The following ARHGAP24 variants were observed in gnomAD, a reference collection of about 807,000 sequenced individuals.
The protein encoded by ARHGAP24 is rho GTPase-activating protein 24.
In ARHGAP24, 50 loss-of-function variants were observed where a neutral mutation model predicts 76.4. The observed-to-expected ratio is 0.65, with a 90% confidence interval of 0.52 to 0.83. The LOEUF (loss-of-function observed/expected upper bound fraction) is 0.83, where lower values mean the gene tolerates loss of function less well. Ranked by LOEUF, ARHGAP24 falls within the 40% of genes least tolerant of loss-of-function variation. ARHGAP24 has a pLI of 0.00. For synonymous variants in ARHGAP24, 345 were observed against 323.3 expected, an observed-to-expected ratio of 1.07 and a Z score of -0.72; for missense variants, 930 against 914.2, an observed-to-expected ratio of 1.02 and a Z score of -0.22.
At chr4:85,765,340 T>C (rs922813868) in intron 3 of ARHGAP24, among the ~76,000 whole-genome samples, 4 of 152,108 alleles carry the variant, frequency 2.6e-5, no homozygotes, top group Admixed American at 6.5e-5. Context: ...TTGTTTTAAC[T>C]GATTCATACA....
At chr4:85,890,230 A>G (rs1390648226) in intron 3 of ARHGAP24, among the ~76,000 whole-genome samples, 1 of 152,156 alleles carries the variant, frequency 6.6e-6, no homozygotes, top group Non-Finnish European at 1.5e-5. Context: ...CTATTTTATT[A>G]CTAATACTTT....
At position 85,703,117 on chromosome 4, in the gene ARHGAP24, T is replaced by C. The variant is rs78765929; in HGVS notation, c.181-18768T>C. Reference sequence around the variant, plus strand: ...GGGTCATTGTTGATAAAAATGAGGCTATGAAAGAAGTAGATTTTATCCTTT... The same window carrying C: ...GGGTCATTGTTGATAAAAATGAGGCCATGAAAGAAGTAGATTTTATCCTTT... On this transcript the variant is annotated intron_variant, in intron 2 of 9. Transcript: ENST00000395184. Among the ~76,000 whole-genome samples the C allele has an allele frequency of 3.9e-5, 6 of 152,298 alleles. No homozygotes were observed. In the East Asian group the frequency reaches 1.2e-3, roughly 29 times the overall value.
intron 5 of ARHGAP24, among the ~76,000 whole-genome samples, chr4:85,957,116 G>C (rs1737965219): frequency 6.6e-6 from 1 of 151,990 alleles, no homozygotes; most frequent in African/African-American, 2.4e-5. Context: ...TTTAAAGGTG[G>C]ATGCAGTCAC....
At chr4:85,532,358 G>A (rs559834068) in intron 1 of ARHGAP24, among the ~76,000 whole-genome samples, 3 of 152,056 alleles carry the variant, frequency 2.0e-5, no homozygotes, top group Non-Finnish European at 4.4e-5. Context: ...TAGGAGTGAG[G>A]GCTGTGGATG....
chr4:85,611,062 A>C (rs1484364285), intron 2 of ARHGAP24, among the ~76,000 whole-genome samples: 1 of 152,232 alleles, frequency 6.6e-6, no homozygotes, highest in Non-Finnish European at 1.5e-5. Flanking sequence ...TTTCATGGTA[A>C]ATAATAAAAA....
intron 2 of ARHGAP24, among the ~76,000 whole-genome samples, chr4:85,702,813 T>C (rs986132406): frequency 7.9e-5 from 12 of 152,258 alleles, no homozygotes; most frequent in African/African-American, 2.9e-4. Flanking sequence ...GTTTTGAATA[T>C]TTCACTTCAG....
intron 3 of ARHGAP24, among the ~76,000 whole-genome samples, chr4:85,850,753 G>A (rs145986453): frequency 3.9e-5 from 6 of 152,164 alleles, no homozygotes; most frequent in African/African-American, 1.2e-4. Flanking sequence ...ATATAGTTGC[G>A]TGGTTTTTAG....
At chr4:85,671,797 A>G (rs1177644712) in intron 2 of ARHGAP24, among the ~76,000 whole-genome samples, 1 of 152,220 alleles carries the variant, frequency 6.6e-6, no homozygotes, top group African/African-American at 2.4e-5. Context: ...ATACCTCTTA[A>G]TAATGCCTCT....
At chr4:85,862,959 C>G (rs756758228) in intron 3 of ARHGAP24, among the ~76,000 whole-genome samples, 33 of 152,112 alleles carry the variant, frequency 2.2e-4, no homozygotes, top group Non-Finnish European at 3.4e-4. Flanking sequence ...CAGACATATT[C>G]TCCTCAAAGC....
Position 85,711,664 on chromosome 4 carries a change from C to A in ARHGAP24, c.181-10221C>A, listed in dbSNP as rs114817794. Among the ~76,000 whole-genome samples, 814 of 152,156 alleles carry A rather than the reference C, an allele frequency of 5.3e-3. 7 individuals are homozygous for A. Among genetic ancestry groups the A allele is most frequent in the African/African-American group, 0.019 (771 of 41,526 alleles). ...ATTCAAATATGTGGAAAATTATTAA[C>A]GTAGCTATAAAACAATTTTACTTGG... On this transcript the variant is annotated intron_variant, in intron 2 of 9. Coordinates refer to ENST00000395184, the MANE Select transcript of ARHGAP24 (RefSeq NM_001025616.3).
At position 85,931,129 on chromosome 4, in the gene ARHGAP24, G is replaced by A. The variant is rs551685168; in HGVS notation, c.391+7359G>A. ...AGGTCTGTTTATGCTCAGATAAAAT[G>A]GGAGTTTGGAAACCAAGAGCTTAGG... On this transcript the variant is annotated intron_variant, in intron 4 of 9. Coordinates refer to ENST00000395184, the MANE Select transcript of ARHGAP24 (RefSeq NM_001025616.3). 2.7e-5 allele frequency: 38 copies of A among 1,396,792 alleles called. No homozygotes were observed. In the African/African-American group the frequency reaches 5.1e-4, roughly 19 times the overall value. 86.5% of individuals were successfully genotyped at this position (1,396,792 alleles called of 1,614,324 possible).
chr4:85,553,293 C>T (rs1258806030), intron 1 of ARHGAP24, among the ~76,000 whole-genome samples: 37 of 152,164 alleles, frequency 2.4e-4, no homozygotes, highest in Non-Finnish European at 1.5e-5. Context: ...AGGGGACCCG[C>T]AGTGGGTTGC....
chr4:85,676,855 G>A (rs1722998245), intron 2 of ARHGAP24, among the ~76,000 whole-genome samples: 1 of 152,186 alleles, frequency 6.6e-6, no homozygotes, highest in South Asian at 2.1e-4. Context: ...AAGTACAATA[G>A]CATGGTAAGG....
At chr4:85,705,825 G>T (rs1724289022) in intron 2 of ARHGAP24, among the ~76,000 whole-genome samples, 1 of 152,116 alleles carries the variant, frequency 6.6e-6, no homozygotes, top group Admixed American at 6.6e-5. Flanking sequence ...CTGTTTTAGA[G>T]CACCAGGCTG....
rs758507341 is a variant in ARHGAP24, at chr4:85,858,684, C to A, written c.269-64964C>A. ...ACAAGATGATTCTAAGAAGCAATGTCTTGTAAGATATGAAATTAACCAAGC... is the reference window on the plus strand; with the variant it reads ...ACAAGATGATTCTAAGAAGCAATGTATTGTAAGATATGAAATTAACCAAGC... On this transcript the variant is annotated intron_variant, in intron 3 of 9. Transcript: ENST00000395184. Among the ~76,000 whole-genome samples, 15 of 151,922 alleles carry A rather than the reference C, an allele frequency of 9.9e-5. 1 individual carries two copies. The highest frequency in any genetic ancestry group is 1.5e-4 in the Non-Finnish European group (10 of 68,012).
intron 2 of ARHGAP24, among the ~76,000 whole-genome samples, chr4:85,615,883 A>G (rs1454518060): frequency 6.6e-6 from 1 of 152,238 alleles, no homozygotes; most frequent in Non-Finnish European, 1.5e-5. Flanking sequence ...CTGCAAAAGC[A>G]TGTGGTCACT....
intron 3 of ARHGAP24, among the ~76,000 whole-genome samples, chr4:85,883,294 T>TA (rs981888438): frequency 2.9e-4 from 44 of 152,178 alleles, no homozygotes; most frequent in African/African-American, 1.0e-3. Context: ...GGGAGAATGT[T>TA]AATAGGTTTT....
rs1189064914 is a variant in ARHGAP24 at position 85,487,809 on chromosome 4, ATAT to A, written c.-21+12254_-21+12256del. 2.4e-4 allele frequency among the ~76,000 whole-genome samples: 28 copies of A among 115,434 alleles called. No individual in the cohort carries two copies. The East Asian group carries it at 5.6e-3, about 23-fold the overall frequency. 75.7% of individuals were successfully genotyped at this position (115,434 alleles called of 152,430 possible). A position where few individuals can be genotyped will look rare whatever the true frequency, so the allele number is the denominator to read the frequency against. On this transcript the variant is annotated intron_variant, in intron 1 of 9. Transcript: ENST00000395184. ...TATTATATAAATATATATTTATTACATATTATATAAACATATTTATTACATATT... is the reference window on the plus strand; with the variant it reads ...TATTATATAAATATATATTTATTACATATATAAACATATTTATTACATATT...
intron 3 of ARHGAP24, among the ~76,000 whole-genome samples, chr4:85,923,185 C>T (rs1222944117): frequency 6.6e-6 from 1 of 152,132 alleles, no homozygotes. Context: ...TTTCCTGTAA[C>T]TCCCATATCC....
Sources: allele counts gnomAD v4.1 joint callset (sites outside exome capture counted in the v4.1 genomes callset), GRCh38; gene constraint gnomAD v4.1.1; transcripts MANE v1.5; gene names NCBI Gene and HGNC (gene_info 2026-07-23, HGNC 2026-07-21).